SLC41A3: variants seen among roughly 807,000 people sequenced by gnomAD.
The protein encoded by SLC41A3 is SLC41A1-like 2.
In SLC41A3, 44 loss-of-function variants were observed where a neutral mutation model predicts 45.4. The ratio of observed to expected loss-of-function variants is 0.97; its 90% CI spans 0.76 to 1.25. The LOEUF is 1.25. SLC41A3 is among the 50% of genes most tolerant of loss of function. The probability of loss-of-function intolerance (pLI) is 0.00; values close to 1 mark genes in which losing one functional copy is unlikely to be tolerated. For synonymous variants in SLC41A3, 256 were observed against 252.4 expected (o/e 1.01, Z -0.13); for missense variants, 550 against 600.6 (o/e 0.92, Z 0.88).
In SLC41A3 at chr3:126,007,120, G is replaced by A. The variant is rs142872378; in HGVS notation, c.1360C>T (p.Leu454=). 9 of 1,614,064 alleles carry A rather than the reference G, an allele frequency of 5.6e-6. No homozygotes were observed. The highest frequency in any genetic ancestry group is 1.3e-5 in the African/African-American group (1 of 74,902). ...AGTGCCAGGAGGCCAGTACCGAGCAGGTCCCCCAGCCCTGTAAGGTAGGGG... is the reference window on the plus strand; with the variant it reads ...AGTGCCAGGAGGCCAGTACCGAGCAAGTCCCCCAGCCCTGTAAGGTAGGGG... ...CIPYLTGLGD[L]LGTGLLALCF... The change falls in exon 11 of 11, where the codon CTG becomes TTG. Residue 454 remains leucine (L), a synonymous_variant. Transcript: ENST00000360370.
intron 3 of SLC41A3, among the ~76,000 whole-genome samples, chr3:126,049,034 C>T (rs1303146659): frequency 6.6e-6 from 1 of 152,208 alleles, no homozygotes; most frequent in Non-Finnish European, 1.5e-5. Context: ...GGCGCGGTGG[C>T]TCACGCCTGT....
intron 3 of SLC41A3, among the ~76,000 whole-genome samples, chr3:126,049,567 T>C (rs1026693372): frequency 2.6e-5 from 4 of 152,068 alleles, no homozygotes; most frequent in South Asian, 2.1e-4. Context: ...TTTTTTTCCC[T>C]CCCAAACACT....
chr3:126,100,840 C>A (rs1945693681), intron 1 of SLC41A3, among the ~76,000 whole-genome samples: 1 of 152,194 alleles, frequency 6.6e-6, no homozygotes, highest in Non-Finnish European at 1.5e-5. Flanking sequence ...TGGATACAAC[C>A]ACACTCCGGG....
At chr3:126,035,249 G>T (rs547510686) in intron 3 of SLC41A3, among the ~76,000 whole-genome samples, 1 of 152,360 alleles carries the variant, frequency 6.6e-6, no homozygotes, top group African/African-American at 2.4e-5. Context: ...GGCTTGGGTT[G>T]TGGATGAGTC....
chr3:126,016,053 G>A (rs1274273350), intron 7 of SLC41A3, among the ~76,000 whole-genome samples: 2 of 152,178 alleles, frequency 1.3e-5, no homozygotes, highest in African/African-American at 2.4e-5. Context: ...GAGAAGCTAG[G>A]TCAATCTGTA....
chr3:126,016,945 T>C (rs1940360543), intron 6 of SLC41A3, 70 bp from the exon 7 acceptor site: 9 of 1,578,126 alleles, frequency 5.7e-6, no homozygotes, highest in Non-Finnish European at 2.6e-6. Flanking sequence ...GGCCTGGGTT[T>C]CACAAATGAG....
intron 6 of SLC41A3, among the ~76,000 whole-genome samples, chr3:126,021,487 T>C (rs1940878642): frequency 6.6e-6 from 1 of 152,252 alleles, no homozygotes; most frequent in South Asian, 2.1e-4. Context: ...AGGTGTCTTC[T>C]GTCTGTTCTA....
intron 2 of SLC41A3, among the ~76,000 whole-genome samples, chr3:126,065,582 C>T (rs1944308461): frequency 1.3e-5 from 2 of 152,288 alleles, no homozygotes; most frequent in South Asian, 4.1e-4. Context: ...GGGAACACAT[C>T]CCTAGTCTCT....
chr3:126,021,310 G>A (rs962575826), intron 6 of SLC41A3, among the ~76,000 whole-genome samples: 3 of 152,236 alleles, frequency 2.0e-5, no homozygotes, highest in African/African-American at 7.2e-5. Flanking sequence ...GCACTTGGGA[G>A]AGCTGCATGT....
Position 126,022,779 on chromosome 3 carries a change from T to A in SLC41A3, c.745+7A>T, listed in dbSNP as rs1941005969. On this transcript the variant is annotated splice_region_variant and intron_variant, in intron 6 of 10. Transcript: ENST00000360370. ...CCTTTGTGTCTATAGAAGAAGACAC[T>A]CTTTACCTTTGTGTCTGTAGAAGAA... The A allele has an allele frequency of 6.2e-7, 1 of 1,614,056 alleles. No individual in the cohort carries two copies. Among genetic ancestry groups the A allele is most frequent in the Non-Finnish European group, 8.5e-7 (1 of 1,180,020 alleles).
At chr3:126,099,112 T>C (rs768303433) in intron 1 of SLC41A3, among the ~76,000 whole-genome samples, 1 of 152,118 alleles carries the variant, frequency 6.6e-6, no homozygotes, top group Admixed American at 6.5e-5. Flanking sequence ...TTAAAGTCCA[T>C]GCTTGGAGCC....
At chr3:126,076,115 T>C (rs1056628912) in intron 1 of SLC41A3, among the ~76,000 whole-genome samples, 11 of 152,208 alleles carry the variant, frequency 7.2e-5, no homozygotes, top group African/African-American at 2.7e-4. Flanking sequence ...ATATAAAGAA[T>C]ACTTACAATT....
intron 3 of SLC41A3, among the ~76,000 whole-genome samples, chr3:126,039,033 A>G (rs1247615453): frequency 6.6e-6 from 1 of 152,162 alleles, no homozygotes; most frequent in Non-Finnish European, 1.5e-5. Context: ...CATGTGACAC[A>G]CTGGCTCCCC....
chr3:126,062,949 C>T (rs1011448160), intron 2 of SLC41A3, among the ~76,000 whole-genome samples: 1 of 152,164 alleles, frequency 6.6e-6, no homozygotes, highest in African/African-American at 2.4e-5. Flanking sequence ...TTAGCAACCT[C>T]CCCTCAAGCC....
intron 1 of SLC41A3, among the ~76,000 whole-genome samples, chr3:126,100,184 C>T (rs1327882122): frequency 1.5e-5 from 2 of 131,626 alleles, no homozygotes; most frequent in Non-Finnish European, 3.2e-5. Context: ...CACTCTGCCA[C>T]GGAGGGTCCT....
chr3:126,086,082 C>G (rs906982101), upstream of SLC41A3, among the ~76,000 whole-genome samples: 2 of 151,954 alleles, frequency 1.3e-5, no homozygotes, highest in Non-Finnish European at 2.9e-5. Flanking sequence ...TAGGCCACAG[C>G]TCAGTTCCTA....
At position 126,026,260 on chromosome 3, in the gene SLC41A3, AAC is replaced by A; in HGVS notation, c.598+73_598+74del. 6.6e-7 allele frequency: 1 copy of A among 1,524,314 alleles called. No homozygotes were observed. The highest frequency in any genetic ancestry group is 8.8e-7 in the Non-Finnish European group (1 of 1,131,538). The allele number at this position is 1,524,314 out of a possible 1,614,324, so 94.4% of individuals were successfully genotyped here. ...GGGACTCACACCCCCAGAAACTGAA[AAC>A]ACAATGAGCTCTGAGGTGGGACCTC... is the stretch of plus-strand genomic sequence containing the variant. On this transcript the variant is annotated intron_variant, in intron 5 of 10. Coordinates refer to ENST00000360370, the MANE Select transcript of SLC41A3 (RefSeq NM_017836.4). The surrounding 1 kb of genome is among the most constrained non-coding windows in gnomAD (Gnocchi z 4.2).
chr3:126,096,546 G>C (rs1945606555), intron 1 of SLC41A3, among the ~76,000 whole-genome samples: 1 of 152,256 alleles, frequency 6.6e-6, no homozygotes, highest in South Asian at 2.1e-4. Context: ...GCCCAGGGTG[G>C]AAAACTGCTT....
intron 2 of SLC41A3, among the ~76,000 whole-genome samples, chr3:126,064,909 A>T (rs1332210314): frequency 2.0e-5 from 3 of 152,264 alleles, no homozygotes; most frequent in African/African-American, 7.2e-5. Context: ...GCTTGGCGTC[A>T]TCAGGTAAAC....
Sources: gnomAD v4.1 joint callset for allele counts (sites outside exome capture counted in the v4.1 genomes callset) on GRCh38, gnomAD v4.1.1 for gene constraint, Gnocchi (gnomAD v3.1) non-coding constraint, MANE v1.5 for transcripts, NCBI Gene and HGNC (gene_info 2026-07-23, HGNC 2026-07-21) for gene names.